The following MBTPS1 variants were observed in gnomAD, a reference collection of about 807,000 sequenced individuals.
MBTPS1 encodes membrane bound transcription factor peptidase, site 1, also known as membrane-bound transcription factor site-1 protease.
MBTPS1 carries 94 observed loss-of-function variants against 127.8 expected under a neutral mutation model. The ratio of observed to expected loss-of-function variants is 0.74; its 90% CI spans 0.62 to 0.87. The LOEUF (loss-of-function observed/expected upper bound fraction) is 0.87. MBTPS1 is among the 40% of genes least tolerant of loss of function. The probability of loss-of-function intolerance (pLI) is 0.00; values close to 1 mark genes in which losing one functional copy is unlikely to be tolerated. For synonymous variants in MBTPS1, 632 were observed against 509.4 expected (o/e 1.24, Z -3.24); for missense variants, 1,636 against 1,353.2 (o/e 1.21, Z -3.28).
At chr16:84,079,287 C>A (rs562138572) in intron 11 of MBTPS1, among the ~76,000 whole-genome samples, 24 of 152,342 alleles carry the variant, frequency 1.6e-4, no homozygotes, top group Non-Finnish European at 2.6e-4. Context: ...TTATAAATTA[C>A]CCAGTCTCAG....
At chr16:84,111,455 C>A (rs140591767) in intron 1 of MBTPS1, among the ~76,000 whole-genome samples, 1 of 151,972 alleles carries the variant, frequency 6.6e-6, no homozygotes, top group African/African-American at 2.4e-5. Flanking sequence ...GCAGGAGAAT[C>A]ACTTGAACCC....
intron 1 of MBTPS1, among the ~76,000 whole-genome samples, chr16:84,107,067 C>T (rs372932999): frequency 2.6e-5 from 4 of 152,112 alleles, no homozygotes; most frequent in Admixed American, 1.3e-4. Flanking sequence ...GTCAAGGGCA[C>T]GGCTTAGGGC....
chr16:84,059,167 T>G, intron 21 of MBTPS1, 135 bp downstream of exon 21: 1 of 1,202,196 alleles, frequency 8.3e-7, no homozygotes. Flanking sequence ...GTTCACTAAA[T>G]AACTGTCGCA....
At chr16:84,108,936 T>C (rs1240137114) in intron 1 of MBTPS1, among the ~76,000 whole-genome samples, 1 of 152,210 alleles carries the variant, frequency 6.6e-6, no homozygotes, top group Non-Finnish European at 1.5e-5. Flanking sequence ...TGATAAATGC[T>C]GGTCTGAATT....
At chr16:84,063,530 A>G in intron 18 of MBTPS1, 85 bp from the exon 19 acceptor site, 1 of 1,125,852 alleles carries the variant, frequency 8.9e-7, no homozygotes, top group Non-Finnish European at 1.2e-6. Flanking sequence ...CACGTGACAA[A>G]TAAACCACAT....
At chr16:84,056,585 T>G (rs919622528) in intron 21 of MBTPS1, 2 of 152,918 alleles carry the variant, frequency 1.3e-5, no homozygotes, top group East Asian at 3.8e-4. Context: ...TATAAGGAAG[T>G]GGGCAAACTG....
At chr16:84,074,862 T>G in intron 11 of MBTPS1, 121 bp from the exon 12 acceptor site, 18 of 794,486 alleles carry the variant, frequency 2.3e-5, no homozygotes, top group Non-Finnish European at 2.9e-5. Flanking sequence ...CTTACAGCGC[T>G]GCCCTAGGCT....
intron 2 of MBTPS1, among the ~76,000 whole-genome samples, chr16:84,100,927 G>A (rs952496783): frequency 5.3e-5 from 8 of 150,748 alleles, no homozygotes; most frequent in African/African-American, 1.7e-4. Flanking sequence ...GGCCAAGGAG[G>A]GTGATCACTT....
At chr16:84,113,737 C>T (rs1318132019) in intron 1 of MBTPS1, among the ~76,000 whole-genome samples, 5 of 152,218 alleles carry the variant, frequency 3.3e-5, no homozygotes, top group African/African-American at 1.2e-4. Flanking sequence ...AATTATGCAG[C>T]TATGCCTTGC....
Position 84,081,754 on chromosome 16 carries a change from G to A in MBTPS1, c.1441C>T (p.Gln481Ter), listed in dbSNP as rs1348572225. ...AYQILNSYKPQASLSPSYIDL... is the reference protein window; with the variant it reads ...AYQILNSYKP ...GCAGGGCGGTGCACTGACCTTGCCT[G>A]TGGCTTGTAGCTGTTGAGGATCTGA... Residue 481 changes from glutamine (Q) to a stop codon, truncating the protein, a stop_gained, in exon 11 of 23, where the codon CAG becomes TAG. Transcript: ENST00000343411. LOFTEE classifies it high-confidence loss of function. 2 of 1,411,518 alleles carry A rather than the reference G, an allele frequency of 1.4e-6. No individual in the cohort carries two copies. The highest frequency in any genetic ancestry group is 1.5e-5 in the African/African-American group (1 of 67,730). 87.4% of individuals were successfully genotyped at this position (1,411,518 alleles called of 1,614,324 possible).
At chr16:84,071,002 C>T (rs2085762655) in intron 12 of MBTPS1, among the ~76,000 whole-genome samples, 1 of 152,244 alleles carries the variant, frequency 6.6e-6, no homozygotes, top group South Asian at 2.1e-4. Context: ...TTTCTGACAG[C>T]TTCCAATTTT....
chr16:84,080,625 CT>C (rs2085926751), intron 11 of MBTPS1, among the ~76,000 whole-genome samples: 1 of 152,274 alleles, frequency 6.6e-6, no homozygotes, highest in Non-Finnish European at 1.5e-5. Flanking sequence ...CAGCCAATGA[CT>C]AAGCACACAG....
At chr16:84,091,202 T>C (rs527367691) in intron 7 of MBTPS1, among the ~76,000 whole-genome samples, 11 of 152,182 alleles carry the variant, frequency 7.2e-5, no homozygotes, top group South Asian at 6.2e-4. Context: ...TAAGAAAGAA[T>C]TGGCAGGGCA....
At chr16:84,108,145 A>T (rs1481762270) in intron 1 of MBTPS1, among the ~76,000 whole-genome samples, 1 of 152,104 alleles carries the variant, frequency 6.6e-6, no homozygotes, top group Non-Finnish European at 1.5e-5. Context: ...TATACAATGC[A>T]AACCCGATGG....
At chr16:84,091,652 C>T in intron 7 of MBTPS1, 80 bp downstream of exon 7, 2 of 920,494 alleles carry the variant, frequency 2.2e-6, no homozygotes, top group Non-Finnish European at 3.6e-6. Context: ...AAGCCACCAA[C>T]ACACTAGATA....
intron 11 of MBTPS1, among the ~76,000 whole-genome samples, chr16:84,077,247 A>ACAGAG (rs760155538): frequency 8.6e-6 from 1 of 116,428 alleles, no homozygotes; most frequent in Non-Finnish European, 1.9e-5. Context: ...AAAAAAAAAA[A>ACAGAG]AAAGAGAGAG....
Position 84,101,878 on chromosome 16 carries a change from C to A in MBTPS1, c.-95G>T. 4.3e-6 allele frequency: 5 copies of A among 1,163,440 alleles called. No individual in the cohort carries two copies. The highest frequency in any genetic ancestry group is 6.3e-6 in the Non-Finnish European group (5 of 799,338). 72.1% of individuals were successfully genotyped at this position (1,163,440 alleles called of 1,614,324 possible). On this transcript the variant is annotated 5_prime_UTR_variant, in exon 2 of 23. Coordinates refer to ENST00000343411, the MANE Select transcript of MBTPS1 (RefSeq NM_003791.4). ...GAATTTTTGTTTCAGCTAAAAGCTG[C>A]AACATTACTAATCAGCCATCTTACA...
intron 21 of MBTPS1, 63 bp downstream of exon 21, chr16:84,059,239 A>G (rs2085568959): frequency 1.2e-5 from 18 of 1,558,328 alleles, no homozygotes; most frequent in South Asian, 2.4e-5. Context: ...ATTCTCTCCT[A>G]TAAGAAAAGC....
intron 12 of MBTPS1, among the ~76,000 whole-genome samples, chr16:84,074,157 CCT>C (rs1292349872): frequency 1.3e-5 from 2 of 152,058 alleles, no homozygotes; most frequent in African/African-American, 4.8e-5. Context: ...TAATTTATAC[CCT>C]GACTTATTCT....
Sources: allele counts gnomAD v4.1 joint callset (sites outside exome capture counted in the v4.1 genomes callset), GRCh38; gene constraint gnomAD v4.1.1; transcripts MANE v1.5; gene names NCBI Gene and HGNC (gene_info 2026-07-23, HGNC 2026-07-21).